SNX7: variants seen among roughly 807,000 people sequenced by gnomAD.
SNX7 encodes the protein sorting nexin-7.
A neutral mutation model predicts 48.4 loss-of-function variants in SNX7; 35 were observed. The ratio of observed to expected loss-of-function variants is 0.72; its 90% CI spans 0.55 to 0.96. SNX7 has a LOEUF of 0.96. SNX7 is among the 40% of genes least tolerant of loss of function. The pLI is 0.00. For missense variants in SNX7, 553 were observed against 548.9 expected, an observed-to-expected ratio of 1.01 and a Z score of -0.07; for synonymous variants, 190 against 190.2, an observed-to-expected ratio of 1.00 and a Z score of 0.01.
chr1:98,753,917 G>A (rs561280606), intron 8 of SNX7, among the ~76,000 whole-genome samples: 3 of 152,096 alleles, frequency 2.0e-5, no homozygotes, highest in South Asian at 4.1e-4. Context: ...TTTGTGAGTG[G>A]TTTATGAAAC....
At chr1:98,743,793 T>C (rs1466023597) in intron 8 of SNX7, among the ~76,000 whole-genome samples, 1 of 152,094 alleles carries the variant, frequency 6.6e-6, no homozygotes, top group Non-Finnish European at 1.5e-5. Context: ...TTAAACTTAA[T>C]ACTACACTAC....
intron 1 of SNX7, among the ~76,000 whole-genome samples, chr1:98,672,975 G>C (rs1353740464): frequency 2.2e-5 from 3 of 138,524 alleles, no homozygotes; most frequent in Admixed American, 1.4e-4. Context: ...GTGTAATCAA[G>C]ATAAATGGAG....
At chr1:98,684,662 A>G (rs1018207855) in intron 1 of SNX7, among the ~76,000 whole-genome samples, 5 of 152,142 alleles carry the variant, frequency 3.3e-5, no homozygotes, top group Non-Finnish European at 2.9e-5. Context: ...GCAATCCTTG[A>G]GGGTTTATAC....
chr1:98,690,990 T>G (rs986108792), intron 2 of SNX7, 85 bp from the exon 3 acceptor site: 4 of 766,446 alleles, frequency 5.2e-6, no homozygotes, highest in African/African-American at 1.8e-5. Context: ...AGAGACCCAT[T>G]TATTTCACAA....
chr1:98,674,347 A>G (rs1393875218), intron 1 of SNX7, among the ~76,000 whole-genome samples: 1 of 152,182 alleles, frequency 6.6e-6, no homozygotes, highest in African/African-American at 2.4e-5. Context: ...AGAAGTCAGC[A>G]GAGTTGGTTC....
At chr1:98,688,493 AT>A (rs1307515107) in intron 2 of SNX7, among the ~76,000 whole-genome samples, 1 of 152,208 alleles carries the variant, frequency 6.6e-6, no homozygotes, top group East Asian at 1.9e-4. Context: ...AAACAAACCT[AT>A]AAATGCCTGT....
intron 7 of SNX7, among the ~76,000 whole-genome samples, chr1:98,713,698 C>G (rs1249134546): frequency 6.6e-6 from 1 of 152,118 alleles, no homozygotes; most frequent in East Asian, 1.9e-4. Flanking sequence ...ATTAATTGGT[C>G]ATATTTCAAT....
At chr1:98,725,414 T>G (rs931908650) in intron 7 of SNX7, among the ~76,000 whole-genome samples, 2 of 152,156 alleles carry the variant, frequency 1.3e-5, no homozygotes, top group African/African-American at 4.8e-5. Context: ...ATGAAAGAAG[T>G]GTTCCAAAAA....
intron 7 of SNX7, among the ~76,000 whole-genome samples, chr1:98,727,093 T>C (rs4628525): frequency 0.94 from 143,277 of 152,164 alleles, 67,814 homozygotes; most frequent in Non-Finnish European, 0.99. Flanking sequence ...ACCTGTAGTC[T>C]CAGCTACTTG....
In SNX7 at chr1:98,696,511, G is replaced by A. The variant is rs114050352; in HGVS notation, c.838+795G>A. On this transcript the variant is annotated intron_variant, in intron 5 of 8. Transcript: ENST00000306121. ...TGTTCAGTGATTGAAAAAAAACCAC[G>A]AATGAACATAAGATTTGGAATGGTG... is the stretch of plus-strand genomic sequence containing the variant. 7.0e-3 allele frequency among the ~76,000 whole-genome samples: 1,058 copies of A among 151,848 alleles called. 11 individuals carry two copies. The highest frequency in any genetic ancestry group is 0.024 in the African/African-American group (1,005 of 41,422).
chr1:98,718,116 C>T (rs1236662946), intron 7 of SNX7, among the ~76,000 whole-genome samples: 2 of 152,038 alleles, frequency 1.3e-5, no homozygotes, highest in Non-Finnish European at 2.9e-5. Flanking sequence ...CATAGAAGTG[C>T]AAATGTAAGG....
intron 8 of SNX7, among the ~76,000 whole-genome samples, chr1:98,745,295 C>T: frequency 6.6e-6 from 1 of 151,914 alleles, no homozygotes; most frequent in East Asian, 1.9e-4. Flanking sequence ...GAGGCACATT[C>T]TTTAAAGTTA....
intron 8 of SNX7, among the ~76,000 whole-genome samples, chr1:98,739,309 C>T (rs1019488847): frequency 6.6e-6 from 1 of 151,220 alleles, no homozygotes; most frequent in Non-Finnish European, 1.5e-5. Context: ...GGCCAATGAC[C>T]AGTACCAGTC....
At chr1:98,713,104 A>AAAAAAC (rs1652404254) in intron 7 of SNX7, among the ~76,000 whole-genome samples, 1 of 151,900 alleles carries the variant, frequency 6.6e-6, no homozygotes, top group Admixed American at 6.6e-5. Context: ...GAAAAAAAAA[A>AAAAAAC]AAAAAAAACT....
At chr1:98,737,079 C>CTT (rs143360857) in intron 7 of SNX7, among the ~76,000 whole-genome samples, 25 of 149,518 alleles carry the variant, frequency 1.7e-4, no homozygotes, top group African/African-American at 2.7e-4. Flanking sequence ...TTTCCCCTCG[C>CTT]TTTTTTTTTT....
At chr1:98,716,816 A>G (rs1303061089) in intron 7 of SNX7, among the ~76,000 whole-genome samples, 1 of 152,130 alleles carries the variant, frequency 6.6e-6, no homozygotes, top group Admixed American at 6.6e-5. Context: ...AAAAGGAATA[A>G]AAGTTTGGTG....
intron 7 of SNX7, among the ~76,000 whole-genome samples, chr1:98,722,798 T>C (rs1446477180): frequency 6.6e-6 from 1 of 152,156 alleles, no homozygotes; most frequent in Non-Finnish European, 1.5e-5. Flanking sequence ...AATGATGATA[T>C]TTTTAAGTAA....
intron 1 of SNX7, among the ~76,000 whole-genome samples, chr1:98,672,781 G>A (rs985513894): frequency 8.0e-5 from 12 of 150,256 alleles, no homozygotes; most frequent in Admixed American, 2.0e-4. Context: ...AAAATTAGCC[G>A]GGCGCGGTGG....
chr1:98,694,309 G>T (rs568886744), intron 4 of SNX7, among the ~76,000 whole-genome samples: 86 of 150,870 alleles, frequency 5.7e-4, no homozygotes, highest in African/African-American at 1.9e-3. Flanking sequence ...GGCGGAGCTT[G>T]CAGTGAGCCA....
Sources: allele counts gnomAD v4.1 joint callset (sites outside exome capture counted in the v4.1 genomes callset), GRCh38; gene constraint gnomAD v4.1.1; transcripts MANE v1.5; gene names NCBI Gene and HGNC (gene_info 2026-07-23, HGNC 2026-07-21).